Variants in SIPA1L3 observed in about 807,000 individuals in gnomAD.
SIPA1L3 encodes signal induced proliferation associated 1 like 3.
In SIPA1L3, 59 loss-of-function variants were observed where a neutral mutation model predicts 150.1. The ratio of observed to expected loss-of-function variants is 0.39; its 90% CI spans 0.32 to 0.49. The LOEUF (loss-of-function observed/expected upper bound fraction) is 0.49. SIPA1L3 is among the 20% of genes least tolerant of loss of function. SIPA1L3 has a pLI of 0.86. For synonymous variants in SIPA1L3, 1,070 were observed against 1,077.6 expected (o/e 0.99, Z 0.14); for missense variants, 2,211 against 2,489.5 (o/e 0.89, Z 2.38).
chr19:38,030,960 C>G (rs1046229938), intron 2 of SIPA1L3, among the ~76,000 whole-genome samples: 1 of 152,028 alleles, frequency 6.6e-6, no homozygotes, highest in Non-Finnish European at 1.5e-5. Flanking sequence ...GGCCAAGCTG[C>G]GGGAACTGAG....
At chr19:38,182,319 G>T (rs1452831937) in intron 15 of SIPA1L3, among the ~76,000 whole-genome samples, 200 bp from the exon 16 acceptor site, 1 of 152,084 alleles carries the variant, frequency 6.6e-6, no homozygotes, top group Non-Finnish European at 1.5e-5. Context: ...CCTTGGGTGG[G>T]ATTAGGCGCT....
intron 2 of SIPA1L3, among the ~76,000 whole-genome samples, chr19:38,036,512 G>A (rs542626716): frequency 1.2e-4 from 19 of 152,326 alleles, no homozygotes; most frequent in African/African-American, 4.1e-4. Flanking sequence ...GCACAGAGTC[G>A]CAGCTCCGTG....
At chr19:38,009,870 G>A (rs529390657) in intron 1 of SIPA1L3, among the ~76,000 whole-genome samples, 43 of 152,258 alleles carry the variant, frequency 2.8e-4, no homozygotes, top group Non-Finnish European at 5.4e-4. Flanking sequence ...TAATCATGTC[G>A]CAAAGCCCTG....
intron 1 of SIPA1L3, among the ~76,000 whole-genome samples, chr19:37,958,406 A>G (rs2046829386): frequency 1.3e-5 from 2 of 152,220 alleles, no homozygotes; most frequent in African/African-American, 4.8e-5. Flanking sequence ...AGCCTGGGCA[A>G]CCGAGTGAGT....
chr19:37,920,578 T>A (rs1399763147), intron 1 of SIPA1L3, among the ~76,000 whole-genome samples: 2 of 152,204 alleles, frequency 1.3e-5, no homozygotes, highest in Non-Finnish European at 2.9e-5. Flanking sequence ...TGTTTTGAAA[T>A]GTATCATCAT....
At chr19:38,103,647 G>A (rs1245671292) in intron 6 of SIPA1L3, among the ~76,000 whole-genome samples, 4 of 150,212 alleles carry the variant, frequency 2.7e-5, no homozygotes, top group Admixed American at 6.7e-5. Context: ...AAAAGGGGCC[G>A]GGCGCGGTGG....
intron 1 of SIPA1L3, among the ~76,000 whole-genome samples, chr19:37,948,518 A>C (rs1050565945): frequency 2.6e-5 from 4 of 152,042 alleles, no homozygotes; most frequent in African/African-American, 9.7e-5. Flanking sequence ...GTAAACACTC[A>C]CATACATATT....
intron 18 of SIPA1L3, among the ~76,000 whole-genome samples, chr19:38,196,520 A>T (rs1436231226): frequency 6.7e-6 from 1 of 148,926 alleles, no homozygotes; most frequent in Non-Finnish European, 1.5e-5. Context: ...AGGGAGGAGC[A>T]TGGAGGTCAA....
At chr19:38,065,813 A>G (rs1327592906) in intron 2 of SIPA1L3, among the ~76,000 whole-genome samples, 2 of 149,648 alleles carry the variant, frequency 1.3e-5, no homozygotes, top group Admixed American at 6.8e-5. Flanking sequence ...TCTTGCATGC[A>G]TTACACATAG....
chr19:37,914,250 A>G (rs1271144776), intron 1 of SIPA1L3, among the ~76,000 whole-genome samples: 1 of 152,214 alleles, frequency 6.6e-6, no homozygotes, highest in Admixed American at 6.6e-5. Context: ...AGTTGAAGAA[A>G]GAACATTCCA....
At chr19:37,950,759 T>C (rs2046756628) in intron 1 of SIPA1L3, among the ~76,000 whole-genome samples, 1 of 152,242 alleles carries the variant, frequency 6.6e-6, no homozygotes, top group African/African-American at 2.4e-5. Flanking sequence ...CTGTCCCCAG[T>C]ACCCCGGCAT....
chr19:38,030,515 C>T (rs560667888), intron 2 of SIPA1L3, among the ~76,000 whole-genome samples: 1 of 151,570 alleles, frequency 6.6e-6, no homozygotes, highest in Admixed American at 6.6e-5. Context: ...GAGACCCTGT[C>T]TCAAAAAAAC....
chr19:37,977,312 G>T (rs377575196), intron 1 of SIPA1L3, among the ~76,000 whole-genome samples: 1 of 151,720 alleles, frequency 6.6e-6, no homozygotes, highest in Non-Finnish European at 1.5e-5. Context: ...CTACAGGCAC[G>T]CACCACCATG....
chr19:38,138,918 G>T (rs978020205), intron 10 of SIPA1L3, among the ~76,000 whole-genome samples: 2 of 63,060 alleles, frequency 3.2e-5, no homozygotes, highest in Non-Finnish European at 5.7e-5. Context: ...AAAAAAAACT[G>T]AGTGTGGTGG....
chr19:38,007,903 C>T (rs1481539048), intron 1 of SIPA1L3, among the ~76,000 whole-genome samples: 5 of 152,074 alleles, frequency 3.3e-5, no homozygotes. Context: ...TTATCACGGT[C>T]TGATGTTCTA....
At chr19:38,016,478 A>G (rs890938160) in intron 1 of SIPA1L3, among the ~76,000 whole-genome samples, 1 of 152,138 alleles carries the variant, frequency 6.6e-6, no homozygotes, top group African/African-American at 2.4e-5. Flanking sequence ...ATACACACAT[A>G]TAGGTATACA....
chr19:37,985,085 G>A (rs542988855), intron 1 of SIPA1L3, among the ~76,000 whole-genome samples: 42 of 152,202 alleles, frequency 2.8e-4, no homozygotes, highest in African/African-American at 6.5e-4. Context: ...CTATTAAGAC[G>A]TTCAATTATT....
intron 10 of SIPA1L3, among the ~76,000 whole-genome samples, chr19:38,139,231 T>C (rs569467665): frequency 3.3e-4 from 50 of 152,256 alleles, no homozygotes; most frequent in South Asian, 1.0e-3. Flanking sequence ...TTATCTCTCG[T>C]TGGCCCTGCT....
chr19:38,170,459 G>T (rs1387431551), intron 15 of SIPA1L3, among the ~76,000 whole-genome samples: 1 of 152,182 alleles, frequency 6.6e-6, no homozygotes, highest in Non-Finnish European at 1.5e-5. Flanking sequence ...CTGCTCCCCA[G>T]CCTCTGCTCC....
Sources: gnomAD v4.1 joint callset for allele counts (sites outside exome capture counted in the v4.1 genomes callset) on GRCh38, gnomAD v4.1.1 for gene constraint, MANE v1.5 for transcripts, NCBI Gene and HGNC (gene_info 2026-07-23, HGNC 2026-07-21) for gene names.